Variants in ZCCHC17 observed in about 807,000 individuals in gnomAD.
ZCCHC17 encodes zinc finger CCHC-type containing 17.
ZCCHC17 carries 18 observed loss-of-function variants against 30.6 expected under a neutral mutation model. That is an observed-to-expected ratio of 0.59 (90% CI 0.41 to 0.87). The LOEUF (loss-of-function observed/expected upper bound fraction) is 0.87, where lower values mean the gene tolerates loss of function less well. ZCCHC17 is among the 40% of genes least tolerant of loss of function. ZCCHC17 has a pLI of 0.00. For missense variants in ZCCHC17, 263 were observed against 284.2 expected, an observed-to-expected ratio of 0.93 and a Z score of 0.54; for synonymous variants, 88 against 92.4, an observed-to-expected ratio of 0.95 and a Z score of 0.27.
chr1:31,347,717 A>G (rs902542978), intron 6 of ZCCHC17, among the ~76,000 whole-genome samples: 5 of 152,046 alleles, frequency 3.3e-5, no homozygotes, highest in African/African-American at 7.2e-5. Flanking sequence ...GGCTCAAGCA[A>G]TCCTACCTCA....
At chr1:31,312,018 C>G (rs1245133020) in intron 2 of ZCCHC17, among the ~76,000 whole-genome samples, 1 of 152,174 alleles carries the variant, frequency 6.6e-6, no homozygotes, top group African/African-American at 2.4e-5. Flanking sequence ...GAATAAGGTG[C>G]CATCTTGGAA....
At chr1:31,316,969 A>G (rs921905097) in intron 2 of ZCCHC17, among the ~76,000 whole-genome samples, 1 of 151,834 alleles carries the variant, frequency 6.6e-6, no homozygotes, top group African/African-American at 2.4e-5. Context: ...TTGGTTAAGT[A>G]TAAGGCACTG....
At chr1:31,320,300 A>G (rs1246148194) in intron 3 of ZCCHC17, among the ~76,000 whole-genome samples, 1 of 152,254 alleles carries the variant, frequency 6.6e-6, no homozygotes, top group African/African-American at 2.4e-5. Flanking sequence ...TTTATATAAC[A>G]TTCTTATGTT....
chr1:31,354,866 A>G (rs927210161), intron 7 of ZCCHC17, among the ~76,000 whole-genome samples: 4 of 152,188 alleles, frequency 2.6e-5, no homozygotes, highest in African/African-American at 9.7e-5. Flanking sequence ...TAATCATTAT[A>G]CATTATTATT....
intron 1 of ZCCHC17, among the ~76,000 whole-genome samples, chr1:31,304,722 A>C (rs1265614254): frequency 6.6e-6 from 1 of 151,728 alleles, no homozygotes; most frequent in African/African-American, 2.4e-5. Context: ...CAGCCTGCCG[A>C]GTAGCTGGGA....
intron 1 of ZCCHC17, among the ~76,000 whole-genome samples, chr1:31,307,655 A>C (rs1392879681): frequency 6.6e-6 from 1 of 151,462 alleles, no homozygotes; most frequent in African/African-American, 2.4e-5. Flanking sequence ...GCTCACTGCA[A>C]CCTCTGCCTC....
intron 3 of ZCCHC17, among the ~76,000 whole-genome samples, chr1:31,323,911 G>GT (rs1166450094): frequency 6.6e-6 from 1 of 152,152 alleles, no homozygotes; most frequent in Non-Finnish European, 1.5e-5. Flanking sequence ...AGAATTTAGT[G>GT]TAAGTAGAGA....
rs542574322 is a variant in ZCCHC17, at chr1:31,310,547, A to G, written c.66+383A>G. 7.9e-5 allele frequency among the ~76,000 whole-genome samples: 12 copies of G among 152,324 alleles called. No individual in the cohort carries two copies. In the South Asian group the frequency reaches 1.0e-3, roughly 13 times the overall value. ...CACCCTCCTGAAGGGATTAATGCCA[A>G]TTACTGAAAGGCTTGAGGCTGTGAG... is the stretch of plus-strand genomic sequence containing the variant. On this transcript the variant is annotated intron_variant, in intron 2 of 7. Transcript: ENST00000344147.
At chr1:31,306,403 A>G (rs751031792) in intron 1 of ZCCHC17, among the ~76,000 whole-genome samples, 2 of 152,204 alleles carry the variant, frequency 1.3e-5, no homozygotes, top group Non-Finnish European at 2.9e-5. Flanking sequence ...CTTAATATAC[A>G]CTGAGTGACT....
At chr1:31,331,435 C>T (rs892499189) in intron 3 of ZCCHC17, among the ~76,000 whole-genome samples, 2 of 151,956 alleles carry the variant, frequency 1.3e-5, no homozygotes, top group African/African-American at 4.8e-5. Flanking sequence ...CGTGAGCCAG[C>T]GTGCCCGTCC....
chr1:31,307,184 G>A (rs1455164360), intron 1 of ZCCHC17, among the ~76,000 whole-genome samples: 1 of 151,046 alleles, frequency 6.6e-6, no homozygotes, highest in Non-Finnish European at 1.5e-5. Flanking sequence ...TGTTGTCCAG[G>A]CTGGTCTTGA....
chr1:31,297,057 G>T lies in ZCCHC17; in HGVS notation c.-74G>T. ...GTTTAGTTCAGCGCAGCGACTCGGG[G>T]ACCTGGAGCTGACGCCTAGTACGTA... On this transcript the variant is annotated 5_prime_UTR_variant, in exon 1 of 8. Coordinates refer to ENST00000344147, the MANE Select transcript of ZCCHC17 (RefSeq NM_016505.4). The T allele has an allele frequency of 2.3e-6, 1 of 442,790 alleles. No individual in the cohort carries two copies. The highest frequency in any genetic ancestry group is 3.4e-5 in the East Asian group (1 of 29,068). 27.4% of individuals were successfully genotyped at this position (442,790 alleles called of 1,614,324 possible).
chr1:31,349,361 C>CT (rs536703888), intron 7 of ZCCHC17, among the ~76,000 whole-genome samples: 1 of 151,978 alleles, frequency 6.6e-6, no homozygotes, highest in African/African-American at 2.4e-5. Flanking sequence ...AATCTTTTTT[C>CT]TTTTTTTGAG....
chr1:31,331,714 C>G (rs1009827440), intron 3 of ZCCHC17, among the ~76,000 whole-genome samples: 1 of 151,640 alleles, frequency 6.6e-6, no homozygotes, highest in African/African-American at 2.4e-5. Context: ...CAGGTTCAGG[C>G]AATTCTCCTG....
chr1:31,305,435 A>G (rs950084584), intron 1 of ZCCHC17, among the ~76,000 whole-genome samples: 2 of 151,992 alleles, frequency 1.3e-5, no homozygotes, highest in East Asian at 1.9e-4. Context: ...AGGTGCCACT[A>G]TGCCGAGCTA....
intron 7 of ZCCHC17, among the ~76,000 whole-genome samples, chr1:31,352,802 G>C (rs997141146): frequency 6.6e-6 from 1 of 152,190 alleles, no homozygotes; most frequent in South Asian, 2.1e-4. Context: ...TGAACACTTG[G>C]GCTGCTTCCA....
chr1:31,364,433 C>T lies in ZCCHC17; in HGVS notation c.*240C>T, dbSNP rs144990056. 7.4e-4 allele frequency: 432 copies of T among 581,302 alleles called. 1 individual carries two copies. Among genetic ancestry groups the T allele is most frequent in the Admixed American group, 1.9e-3 (57 of 29,320 alleles). 36.0% of individuals were successfully genotyped at this position (581,302 alleles called of 1,614,324 possible). A position where few individuals can be genotyped will look rare whatever the true frequency, so the allele number is the denominator to read the frequency against. On this transcript the variant is annotated 3_prime_UTR_variant, in exon 8 of 8. Transcript: ENST00000344147. The stretch of plus-strand genomic sequence containing the variant: ...CCCTTTGCAAGTGAACCCTGCAGCT[C>T]ACCCATTCATTCACCCAACTTCCTT...
At chr1:31,297,277 ACCCAG>A (rs950481344) in intron 1 of ZCCHC17, 4 of 398,056 alleles carry the variant, frequency 1.0e-5, no homozygotes, top group African/African-American at 8.2e-5. Flanking sequence ...TGGCGGCAAG[ACCCAG>A]CCCCTGCGGC....
At chr1:31,300,723 G>A (rs1646290337) in intron 1 of ZCCHC17, among the ~76,000 whole-genome samples, 1 of 152,042 alleles carries the variant, frequency 6.6e-6, no homozygotes, top group Admixed American at 6.6e-5. Flanking sequence ...ATCACCTGAG[G>A]TCAGGAGTTC....
Sources: allele counts gnomAD v4.1 joint callset (sites outside exome capture counted in the v4.1 genomes callset), GRCh38; gene constraint gnomAD v4.1.1; transcripts MANE v1.5; gene names NCBI Gene and HGNC (gene_info 2026-07-23, HGNC 2026-07-21).